Variants in HS3ST5 observed in about 807,000 individuals in gnomAD.
HS3ST5 encodes the protein heparan sulfate-glucosamine 3-sulfotransferase 5.
HS3ST5 carries 10 observed loss-of-function variants against 25.4 expected under a neutral mutation model. The observed-to-expected ratio is 0.39, with a 90% confidence interval of 0.24 to 0.67. HS3ST5 has a LOEUF of 0.67. Ranked by LOEUF, HS3ST5 falls within the 30% of genes least tolerant of loss-of-function variation. HS3ST5 has a pLI of 0.44. For synonymous variants in HS3ST5, 170 were observed against 162.4 expected (o/e 1.05, Z -0.36); for missense variants, 324 against 420.7 (o/e 0.77, Z 2.01).
intron 1 of HS3ST5, among the ~76,000 whole-genome samples, chr6:114,271,889 A>G (rs1773652129): frequency 6.6e-6 from 1 of 151,978 alleles, no homozygotes; most frequent in African/African-American, 2.4e-5. Flanking sequence ...ACCGTGGCCC[A>G]CTAAGTCCTC....
intron 1 of HS3ST5, among the ~76,000 whole-genome samples, chr6:114,323,762 G>A (rs1384677788): frequency 6.6e-6 from 1 of 152,070 alleles, no homozygotes; most frequent in Non-Finnish European, 1.5e-5. Flanking sequence ...GAAAAATAAA[G>A]TATACAGAGT....
chr6:114,110,874 A>T (rs1322680786), intron 3 of HS3ST5, among the ~76,000 whole-genome samples: 1 of 152,226 alleles, frequency 6.6e-6, no homozygotes, highest in African/African-American at 2.4e-5. Flanking sequence ...CTATTTTCTA[A>T]CAATTAAACA....
chr6:114,084,102 AG>A, intron 3 of HS3ST5: 3 of 382,884 alleles, frequency 7.8e-6, no homozygotes, highest in African/African-American at 2.6e-5. Flanking sequence ...TTTTTTTTTT[AG>A]AAACTGATGT....
chr6:114,144,656 A>C (rs1318336263), intron 3 of HS3ST5, among the ~76,000 whole-genome samples: 1 of 152,184 alleles, frequency 6.6e-6, no homozygotes, highest in Non-Finnish European at 1.5e-5. Context: ...TGTTTTAAAC[A>C]TATTTTAACC....
intron 2 of HS3ST5, among the ~76,000 whole-genome samples, chr6:114,200,400 T>C (rs1470701668): frequency 6.6e-6 from 1 of 152,204 alleles, no homozygotes; most frequent in African/African-American, 2.4e-5. Context: ...GGTTTGTAAA[T>C]GCTCGGTTAT....
chr6:114,121,936 A>G (rs1480998779), intron 3 of HS3ST5, among the ~76,000 whole-genome samples: 2 of 152,198 alleles, frequency 1.3e-5, no homozygotes, highest in Admixed American at 6.5e-5. Context: ...AGCGTGTCCT[A>G]CCTTCTTCCT....
intron 1 of HS3ST5, among the ~76,000 whole-genome samples, chr6:114,276,950 A>C (rs17076012): frequency 0.077 from 11,684 of 152,070 alleles, 551 homozygotes; most frequent in African/African-American, 0.14. Flanking sequence ...TATTATGATC[A>C]TCTGGCTGCA....
intron 1 of HS3ST5, among the ~76,000 whole-genome samples, chr6:114,338,643 T>C (rs1776705812): frequency 6.6e-6 from 1 of 152,076 alleles, no homozygotes; most frequent in South Asian, 2.1e-4. Context: ...GAAATGTTTT[T>C]TACTTAGATT....
At chr6:114,082,302 G>T (rs1774497746) in intron 3 of HS3ST5, among the ~76,000 whole-genome samples, 1 of 152,190 alleles carries the variant, frequency 6.6e-6, no homozygotes, top group South Asian at 2.1e-4. Flanking sequence ...GAGACTAGCG[G>T]TGAGTTGAAG....
At chr6:114,149,587 G>A (rs921185632) in intron 3 of HS3ST5, among the ~76,000 whole-genome samples, 3 of 152,092 alleles carry the variant, frequency 2.0e-5, no homozygotes, top group Non-Finnish European at 2.9e-5. Context: ...GTTGGCAGGT[G>A]GGGGGCAGGG....
At chr6:114,208,292 G>A (rs994627599) in intron 2 of HS3ST5, among the ~76,000 whole-genome samples, 16 of 151,942 alleles carry the variant, frequency 1.1e-4, no homozygotes, top group Non-Finnish European at 1.3e-4. Flanking sequence ...AGTTTATGAG[G>A]GCCTAATTTT....
Position 114,058,033 on chromosome 6 carries a change from G to T in HS3ST5, c.265C>A (p.Gln89Lys). Reference protein sequence around the residue: ...EQVRLHDLVQQLPKAIIIGVR... With the variant: ...EQVRLHDLVQKLPKAIIIGVR... ...CCAATGATAATGGCCTTGGGGAGCT[G>T]CTGGACCAGGTCATGGAGGCGAACC... The change falls in exon 5 of 5, where the codon CAG becomes AAG. Residue 89 changes from glutamine to lysine, a missense_variant. By Grantham distance (53) the Gln-to-Lys change is moderately conservative. This residue lies in a region of HS3ST5 where 121 missense variants were observed against 117.3 expected (regional missense o/e 1.03). Coordinates refer to ENST00000312719, the MANE Select transcript of HS3ST5 (RefSeq NM_153612.4). 1.2e-6 allele frequency: 2 copies of T among 1,614,168 alleles called. No homozygotes were observed. The highest frequency in any genetic ancestry group is 1.7e-6 in the Non-Finnish European group (2 of 1,180,032).
intron 1 of HS3ST5, chr6:114,231,583 C>G (rs1771592252): frequency 6.6e-6 from 1 of 152,048 alleles, no homozygotes; most frequent in Non-Finnish European, 1.5e-5. Context: ...TTTCCTATCC[C>G]TTTCTGAACG....
At chr6:114,266,499 A>G (rs1773410591) in intron 1 of HS3ST5, among the ~76,000 whole-genome samples, 1 of 152,192 alleles carries the variant, frequency 6.6e-6, no homozygotes, top group Non-Finnish European at 1.5e-5. Context: ...TTGTCTGTTC[A>G]TGAGAGAAGC....
intron 3 of HS3ST5, among the ~76,000 whole-genome samples, chr6:114,096,083 C>T (rs1341813092): frequency 2.0e-5 from 3 of 152,072 alleles, no homozygotes; most frequent in Non-Finnish European, 2.9e-5. Context: ...TATTTTAAAC[C>T]TTCAGGAAGC....
chr6:114,284,469 C>T (rs1774252750), intron 1 of HS3ST5, among the ~76,000 whole-genome samples: 1 of 152,010 alleles, frequency 6.6e-6, no homozygotes, highest in South Asian at 2.1e-4. Flanking sequence ...GTCTCAGCCA[C>T]AAGATCTAGC....
At chr6:114,101,741 C>T (rs1053908171) in intron 3 of HS3ST5, among the ~76,000 whole-genome samples, 4 of 152,192 alleles carry the variant, frequency 2.6e-5, no homozygotes, top group African/African-American at 9.7e-5. Flanking sequence ...CATAAAGACA[C>T]ATGCACACGT....
At chr6:114,188,395 T>C (rs1222205708) in intron 2 of HS3ST5, among the ~76,000 whole-genome samples, 3 of 152,236 alleles carry the variant, frequency 2.0e-5, no homozygotes, top group Admixed American at 6.5e-5. Flanking sequence ...TCTGTCTCAC[T>C]GTTGGGGTGT....
intron 2 of HS3ST5, among the ~76,000 whole-genome samples, chr6:114,218,680 C>T (rs191645878): frequency 6.6e-6 from 1 of 152,192 alleles, no homozygotes; most frequent in South Asian, 2.1e-4. Flanking sequence ...AAATGCCATT[C>T]CCTGAGTAGG....
Sources: gnomAD v4.1 joint callset for allele counts (sites outside exome capture counted in the v4.1 genomes callset) on GRCh38, gnomAD v4.1.1 for gene constraint, gnomAD v4.1.1 regional missense constraint, MANE v1.5 for transcripts, NCBI Gene and HGNC (gene_info 2026-07-23, HGNC 2026-07-21) for gene names.